NEB: variants seen among roughly 807,000 people sequenced by gnomAD.
The protein encoded by NEB is nebulin.
NEB carries 512 observed loss-of-function variants against 952.2 expected under a neutral mutation model. The observed-to-expected ratio is 0.54, with a 90% CI of 0.50 to 0.58. NEB has a LOEUF of 0.58. NEB is among the 20% of genes least tolerant of loss of function. NEB has a pLI of 0.00. For synonymous variants in NEB, 2,900 were observed against 3,149.8 expected (o/e 0.92, Z 2.66); for missense variants, 8,428 against 9,231.1 (o/e 0.91, Z 3.56).
rs1358467857 is a variant in NEB, at chr2:151,563,859, A to G, written c.18543T>C (p.Ile6181=). 1.9e-6 allele frequency: 3 copies of G among 1,613,242 alleles called. No individual in the cohort carries two copies. The Admixed American group carries it at 5.0e-5, about 27-fold the overall frequency. Residue 6181 remains isoleucine, a synonymous_variant, in exon 118 of 182, where the codon ATT becomes ATC. Transcript: ENST00000397345. ...CCAGATCAGCATGCTTGGCTCCAAC[A>G]ATGGGAATGTAGCGCTCATCCAGGG... ...GYTLDERYIP[I]VGAKHADLVN...
chr2:151,575,280 T>C (rs2096788381), intron 107 of NEB, among the ~76,000 whole-genome samples: 1 of 152,200 alleles, frequency 6.6e-6, no homozygotes, highest in South Asian at 2.1e-4. Context: ...GGGTCAATTT[T>C]GGTCACTTAT....
intron 52 of NEB, 86 bp from the exon 53 acceptor site, chr2:151,650,971 T>G: frequency 7.6e-7 from 1 of 1,319,426 alleles, no homozygotes; most frequent in Non-Finnish European, 1.0e-6. Flanking sequence ...TTCTTTCTTT[T>G]TTTTGAGACA....
At position 151,717,436 on chromosome 2, in the gene NEB, C is replaced by A; in HGVS notation, c.802G>T (p.Val268Leu). The A allele has an allele frequency of 1.9e-6, 3 of 1,613,330 alleles. No homozygotes were observed. Among genetic ancestry groups the A allele is most frequent in the Non-Finnish European group, 2.5e-6 (3 of 1,179,292 alleles). Residue 268 changes from valine (V) to leucine (L), a missense_variant, in exon 10 of 182, where the codon GTA becomes TTA. By Grantham distance (32) the Val-to-Leu change is conservative (BLOSUM62 1). Transcript: ENST00000397345. ...CTTACCTTGCTCACTTGATTGGTTA[C>A]TTTCTTGGCAAATTCTATATCTGGA... ...DPPDIEFAKK[V>L]TNQVSKQKYK...
intron 1 of NEB, among the ~76,000 whole-genome samples, 191 bp downstream of exon 1, chr2:151,734,207 G>C (rs1461430688): frequency 6.6e-6 from 1 of 152,148 alleles, no homozygotes; most frequent in Non-Finnish European, 1.5e-5. Context: ...CAAAGGACTT[G>C]ACTCTAATCA....
At chr2:151,578,707 G>A (rs2096982124) in intron 105 of NEB, among the ~76,000 whole-genome samples, 1 of 148,192 alleles carries the variant, frequency 6.7e-6, no homozygotes, top group South Asian at 2.2e-4. Flanking sequence ...GAGAAGGAGG[G>A]AAGGAAGGAA....
chr2:151,646,936 T>C (rs2154124834), intron 54 of NEB, among the ~76,000 whole-genome samples: 1 of 150,540 alleles, frequency 6.6e-6, no homozygotes, highest in Non-Finnish European at 1.5e-5. Context: ...CCAGCTTCTA[T>C]GTGACTTAGT....
chr2:151,613,828 G>A (rs1488837744), intron 77 of NEB, among the ~76,000 whole-genome samples: 1 of 152,166 alleles, frequency 6.6e-6, no homozygotes, highest in Non-Finnish European at 1.5e-5. Context: ...CTTCCACCAT[G>A]ATTGTAAGTT....
intron 72 of NEB, among the ~76,000 whole-genome samples, chr2:151,620,343 GTGTGTATATATATATATATATATATATA>G (rs1216809095): frequency 0.011 from 544 of 48,902 alleles, 26 homozygotes; most frequent in African/African-American, 0.03. Flanking sequence ...ATATGTATGT[GTGTGTATATATATATATATATATATATA>G]TATATATATA....
At chr2:151,521,131 A>AC (rs2081676769) in intron 153 of NEB, among the ~76,000 whole-genome samples, 2 of 152,234 alleles carry the variant, frequency 1.3e-5, no homozygotes, top group Non-Finnish European at 2.9e-5. Context: ...TAACACCAGT[A>AC]CCCCTCATGG....
Position 151,549,656 on chromosome 2 carries a change from T to C in NEB, c.20029A>G (p.Thr6677Ala). ...CTCACATAACTGCTCATGTAACGGG[T>C]GTCCTTGATGTGTTTGAAGTGAGGA... ...DTPHFKHIKDTRYMSSYFKYK... is the reference protein window; with the variant it reads ...DTPHFKHIKDARYMSSYFKYK... Residue 6677 changes from threonine (T) to alanine (A), a missense_variant, in exon 130 of 182, where the codon ACC becomes GCC. By Grantham distance (58) the Thr-to-Ala change is moderately conservative. Around this residue, in one of 11 missense-constraint regions of NEB, gnomAD observed 3,374 missense variants for 3,651.5 expected, o/e 0.92. Coordinates refer to ENST00000397345, the MANE Select transcript of NEB (RefSeq NM_001164508.2). The C allele has an allele frequency of 6.3e-7, 1 of 1,599,046 alleles. No individual in the cohort carries two copies. Among genetic ancestry groups the C allele is most frequent in the Non-Finnish European group, 8.5e-7 (1 of 1,172,028 alleles).
Position 151,619,547 on chromosome 2 carries a change from G to A in NEB, c.10776C>T (p.Ser3592=), listed in dbSNP as rs1004404650. Residue 3592 remains serine, a synonymous_variant, in exon 73 of 182, where the codon AGC becomes AGT. Coordinates refer to ENST00000397345, the MANE Select transcript of NEB (RefSeq NM_001164508.2). ...VLAKKCQTLV[S]DVDYKHPLHE... is the part of the protein sequence containing the mutation. Reference sequence around the variant, plus strand: ...GCAGAGGATGTTTATAGTCCACATCGCTGACCAAGGTCTGACACTTCTTGG... The same window carrying A: ...GCAGAGGATGTTTATAGTCCACATCACTGACCAAGGTCTGACACTTCTTGG... The A allele has an allele frequency of 6.2e-6, 10 of 1,613,788 alleles. No homozygotes were observed. The highest frequency in any genetic ancestry group is 2.2e-5 in the South Asian group (2 of 91,086).
chr2:151,533,618 A>G, intron 142 of NEB, 72 bp from the exon 143 acceptor site: 1 of 953,696 alleles, frequency 1.0e-6, no homozygotes, highest in Non-Finnish European at 1.6e-6. Context: ...TCTATATCCC[A>G]ATCACCTCTG....
chr2:151,701,189 C>G (rs1191883407), intron 13 of NEB, among the ~76,000 whole-genome samples: 1 of 113,032 alleles, frequency 8.8e-6, no homozygotes, highest in Non-Finnish European at 1.9e-5. Context: ...GTATATTGAA[C>G]CAGCCTTGCA....
chr2:151,628,759 G>A (rs2098592348), intron 68 of NEB, among the ~76,000 whole-genome samples: 1 of 152,148 alleles, frequency 6.6e-6, no homozygotes, highest in African/African-American at 2.4e-5. Flanking sequence ...TTACTTGGGA[G>A]GCTGAGGCAG....
chr2:151,626,487 T>C (rs2098527595), intron 70 of NEB, among the ~76,000 whole-genome samples: 1 of 151,952 alleles, frequency 6.6e-6, no homozygotes, highest in South Asian at 2.1e-4. Flanking sequence ...CCAAATCATA[T>C]ATAACTAACT....
chr2:151,547,668 C>A lies in NEB; in HGVS notation c.20228G>T (p.Arg6743Leu). Residue 6743 changes from arginine (R) to leucine (L), a missense_variant, in exon 132 of 182, where the codon CGC (arginine) becomes CTC (leucine). Arg to Leu is a moderately radical substitution (Grantham distance 102). Coordinates refer to ENST00000397345, the MANE Select transcript of NEB (RefSeq NM_001164508.2). ...IHTTPDTPEI[R>L]QVKKTQEAVS... The stretch of plus-strand genomic sequence containing the variant: ...AGCCTCTTGTGTCTTCTTGACTTGG[C>A]GGATCTCAGGGGTATCGGGAGTTGT... 1 of 1,613,720 alleles carries A rather than the reference C, an allele frequency of 6.2e-7. No homozygotes were observed. Among genetic ancestry groups the A allele is most frequent in the Non-Finnish European group, 8.5e-7 (1 of 1,179,794 alleles).
chr2:151,629,428 GAAAAACAAGCCAAT>G, intron 68 of NEB, 97 bp downstream of exon 68: 1 of 930,202 alleles, frequency 1.1e-6, no homozygotes, highest in South Asian at 1.6e-5. Flanking sequence ...ATTTGATTTA[GAAAAACAAGCCAAT>G]AAATGTGCTT....
rs550832252 is a variant in NEB at position 151,672,417 on chromosome 2, G to T, written c.4251C>A (p.Asp1417Glu). The T allele has an allele frequency of 7.4e-6, 12 of 1,612,136 alleles. No individual in the cohort carries two copies. Among genetic ancestry groups the T allele is most frequent in the Middle Eastern group, 1.6e-4 (1 of 6,082 alleles). The change falls in exon 37 of 182, where the codon GAC becomes GAA. Residue 1417 changes from aspartate (D) to glutamate (E), a missense_variant. Physicochemically the swap from Asp to Glu is conservative, Grantham distance 45 (BLOSUM62 2). This residue lies in a region of NEB where 2,851 missense variants were observed against 2,791.5 expected (regional missense o/e 1.02). Transcript: ENST00000397345. ...TCCTCGTATGCTCAAGACTCATGGC[G>T]TCAGGTAGGTATGTGTAATGATGCA... ...QPLHHYTYLP[D>E]AMSLEHTRNV...
intron 168 of NEB, among the ~76,000 whole-genome samples, chr2:151,500,007 T>C (rs567792534): frequency 3.3e-5 from 5 of 152,260 alleles, no homozygotes; most frequent in African/African-American, 1.2e-4. Flanking sequence ...TAGATACAAA[T>C]AATAATATAC....
Sources: gnomAD v4.1 joint callset for allele counts (sites outside exome capture counted in the v4.1 genomes callset) on GRCh38, gnomAD v4.1.1 for gene constraint, gnomAD v4.1.1 regional missense constraint, MANE v1.5 for transcripts, NCBI Gene and HGNC (gene_info 2026-07-23, HGNC 2026-07-21) for gene names.